Variants in IL1RAPL1 observed in about 807,000 individuals in gnomAD.
The protein encoded by IL1RAPL1 is interleukin-1 receptor accessory protein-like 1.
In IL1RAPL1, 3 loss-of-function variants were observed where a neutral mutation model predicts 48.4. The observed-to-expected ratio is 0.06, with a 90% CI of 0.03 to 0.16. The LOEUF is 0.16. Among genes scored for constraint, IL1RAPL1 ranks in the 10% least tolerant of loss-of-function variants. The probability of loss-of-function intolerance (pLI) is 1.00; values close to 1 mark genes in which losing one functional copy is unlikely to be tolerated. For missense variants in IL1RAPL1, 349 were observed against 530.6 expected (o/e 0.66, Z 3.36); for synonymous variants, 185 against 187.7 (o/e 0.99, Z 0.12).
At chrX:29,920,612 T>C (rs1932837011) in intron 8 of IL1RAPL1, among the ~76,000 whole-genome samples, 2 of 108,632 alleles carry the variant, frequency 1.8e-5, no homozygotes, top group African/African-American at 6.7e-5. Context: ...CTGGCCAACA[T>C]TGTGAAACCC....
At chrX:29,605,149 G>A in intron 5 of IL1RAPL1, among the ~76,000 whole-genome samples, 1 of 108,806 alleles carries the variant, frequency 9.2e-6, no homozygotes, top group Non-Finnish European at 1.9e-5. Flanking sequence ...GGGAGGGAAG[G>A]AGGGAGAGAG....
chrX:29,125,598 T>C (rs1928882409), intron 2 of IL1RAPL1, among the ~76,000 whole-genome samples: 2 of 111,838 alleles, frequency 1.8e-5, no homozygotes, highest in African/African-American at 6.5e-5. Flanking sequence ...TACGTTTGAA[T>C]AGATTCAGTA....
chrX:28,795,169 A>T (rs762248355), intron 2 of IL1RAPL1, among the ~76,000 whole-genome samples: 33 of 111,198 alleles, frequency 3.0e-4, no homozygotes, highest in African/African-American at 9.8e-4. Flanking sequence ...ATGCACTTTA[A>T]TTTTTTCTCA....
chrX:29,732,023 C>A (rs1486862499), intron 6 of IL1RAPL1, among the ~76,000 whole-genome samples: 1 of 112,060 alleles, frequency 8.9e-6, no homozygotes, highest in East Asian at 2.8e-4. Flanking sequence ...ATAGTATTGA[C>A]TTCTGAGGCC....
intron 6 of IL1RAPL1, among the ~76,000 whole-genome samples, chrX:29,793,553 C>T (rs989683793): frequency 8.9e-6 from 1 of 111,933 alleles, no homozygotes; most frequent in Non-Finnish European, 1.9e-5. Context: ...TAAAAGACAA[C>T]TGCTTTGGTG....
intron 6 of IL1RAPL1, among the ~76,000 whole-genome samples, chrX:29,913,393 T>A (rs754228261): frequency 1.9e-5 from 2 of 105,921 alleles, no homozygotes; most frequent in African/African-American, 7.0e-5. Flanking sequence ...GACACAGTGA[T>A]ACACACACAC....
At chrX:28,814,299 G>C (rs1476460575) in intron 2 of IL1RAPL1, among the ~76,000 whole-genome samples, 1 of 106,408 alleles carries the variant, frequency 9.4e-6, no homozygotes, top group Non-Finnish European at 1.9e-5. Context: ...TTGAATAAAT[G>C]TTTCGTTCAC....
intron 2 of IL1RAPL1, among the ~76,000 whole-genome samples, chrX:29,046,969 C>T (rs1038823660): frequency 3.6e-5 from 4 of 111,836 alleles, no homozygotes; most frequent in African/African-American, 1.3e-4. Context: ...TAAGATATAC[C>T]AAAGGATGTA....
intron 6 of IL1RAPL1, among the ~76,000 whole-genome samples, chrX:29,705,037 C>G (rs1226279849): frequency 9.0e-6 from 1 of 110,608 alleles, no homozygotes; most frequent in Non-Finnish European, 1.9e-5. Flanking sequence ...AGCATTGTAC[C>G]CTATATAGCC....
intron 3 of IL1RAPL1, among the ~76,000 whole-genome samples, chrX:29,390,474 TACAC>T (rs1933840005): frequency 8.9e-6 from 1 of 112,031 alleles, no homozygotes; most frequent in African/African-American, 3.2e-5. Context: ...CTGGCTTTCT[TACAC>T]ACTACTTCAT....
intron 2 of IL1RAPL1, among the ~76,000 whole-genome samples, chrX:28,818,592 T>C (rs1037630168): frequency 6.3e-5 from 7 of 110,684 alleles, no homozygotes; most frequent in African/African-American, 2.3e-4. Flanking sequence ...ACTCTGAAAA[T>C]TGGTTAATGC....
At chrX:29,738,596 C>T (rs777527262) in intron 6 of IL1RAPL1, among the ~76,000 whole-genome samples, 21 of 109,117 alleles carry the variant, frequency 1.9e-4, no homozygotes, top group African/African-American at 6.7e-4. Flanking sequence ...AGGCGAGTGC[C>T]ACCAGCTAAT....
intron 2 of IL1RAPL1, among the ~76,000 whole-genome samples, chrX:29,125,700 C>T (rs559672098): frequency 1.8e-5 from 2 of 111,113 alleles, no homozygotes; most frequent in Admixed American, 9.7e-5. Flanking sequence ...GGGTATAGAA[C>T]ATCAGGAGTT....
At chrX:29,517,864 G>A (rs1392802861) in intron 5 of IL1RAPL1, among the ~76,000 whole-genome samples, 1 of 111,849 alleles carries the variant, frequency 8.9e-6, no homozygotes, top group Non-Finnish European at 1.9e-5. Flanking sequence ...AAATGATGAA[G>A]TAGAAATTCT....
intron 1 of IL1RAPL1, chrX:28,659,466 C>T (rs1226126571): frequency 7.8e-6 from 4 of 514,334 alleles, no homozygotes; most frequent in Non-Finnish European, 7.1e-6. Context: ...TTTGTAGGAG[C>T]CATGATATAG....
intron 1 of IL1RAPL1, among the ~76,000 whole-genome samples, chrX:28,772,528 A>G (rs927619244): frequency 3.6e-5 from 4 of 111,679 alleles, no homozygotes; most frequent in Admixed American, 9.5e-5. Context: ...ATGTGAGGGT[A>G]TTTAGACCCC....
At chrX:29,746,626 G>A (rs193150142) in intron 6 of IL1RAPL1, among the ~76,000 whole-genome samples, 23 of 108,838 alleles carry the variant, frequency 2.1e-4, no homozygotes, top group African/African-American at 7.3e-4. Flanking sequence ...TTTTTTCTTC[G>A]CGACAAATTC....
At chrX:29,113,714 G>T (rs1157024237) in intron 2 of IL1RAPL1, among the ~76,000 whole-genome samples, 1 of 111,208 alleles carries the variant, frequency 9.0e-6, no homozygotes, top group African/African-American at 3.3e-5. Context: ...ATTGATTTTT[G>T]TATGTAAATT....
chrX:29,073,281 A>C (rs1402335921), intron 2 of IL1RAPL1, among the ~76,000 whole-genome samples: 2 of 111,621 alleles, frequency 1.8e-5, no homozygotes, highest in Non-Finnish European at 3.8e-5. Flanking sequence ...GGTATCTATA[A>C]CCTTAATCTC....
Sources: gnomAD v4.1 joint callset for allele counts (sites outside exome capture counted in the v4.1 genomes callset) on GRCh38, gnomAD v4.1.1 for gene constraint, MANE v1.5 for transcripts, NCBI Gene and HGNC (gene_info 2026-07-23, HGNC 2026-07-21) for gene names.